SLC24A3: variants seen among roughly 807,000 people sequenced by gnomAD.
The protein encoded by SLC24A3 is solute carrier family 24 member 3.
In SLC24A3, 28 loss-of-function variants were observed where a neutral mutation model predicts 75.8. The ratio of observed to expected loss-of-function variants is 0.37; its 90% CI spans 0.27 to 0.51. SLC24A3 has a LOEUF of 0.51. Among genes scored for constraint, SLC24A3 ranks in the 20% least tolerant of loss-of-function variants. The probability of loss-of-function intolerance (pLI) is 0.94; values close to 1 mark genes in which losing one functional copy is unlikely to be tolerated. For synonymous variants in SLC24A3, 372 were observed against 334.1 expected, an observed-to-expected ratio of 1.11 and a Z score of -1.24; for missense variants, 663 against 847.8, an observed-to-expected ratio of 0.78 and a Z score of 2.71.
Position 19,270,731 on chromosome 20 carries a change from C to G in SLC24A3, c.143-10228C>G, listed in dbSNP as rs116923578. On this transcript the variant is annotated intron_variant, in intron 1 of 16. Transcript: ENST00000328041. ...ATTCCATACTTTGTAAGAAGAAACCCCATATTGGACATTGTATGTATGTGA... is the reference window on the plus strand; with the variant it reads ...ATTCCATACTTTGTAAGAAGAAACCGCATATTGGACATTGTATGTATGTGA... 8.5e-3 allele frequency among the ~76,000 whole-genome samples: 1,295 copies of G among 151,870 alleles called. 6 individuals are homozygous for G. The highest frequency in any genetic ancestry group is 0.014 in the Non-Finnish European group (937 of 67,984).
intron 2 of SLC24A3, among the ~76,000 whole-genome samples, chr20:19,328,387 T>G (rs895472049): frequency 1.3e-5 from 2 of 152,064 alleles, no homozygotes; most frequent in African/African-American, 4.8e-5. Flanking sequence ...GTTGGATTGA[T>G]AATAAAATGT....
chr20:19,592,871 C>T (rs1246663275), intron 6 of SLC24A3, among the ~76,000 whole-genome samples: 1 of 146,408 alleles, frequency 6.8e-6, no homozygotes, highest in Admixed American at 7.0e-5. Flanking sequence ...TCTTGGCTCA[C>T]TACAACCTCC....
At chr20:19,403,674 A>T (rs999513017) in intron 2 of SLC24A3, among the ~76,000 whole-genome samples, 2 of 152,186 alleles carry the variant, frequency 1.3e-5, no homozygotes, top group African/African-American at 4.8e-5. Context: ...TTTAAGTAGG[A>T]GTTAGTCACG....
chr20:19,587,303 AT>A (rs2031311569), intron 6 of SLC24A3, among the ~76,000 whole-genome samples: 2 of 152,216 alleles, frequency 1.3e-5, no homozygotes, highest in Admixed American at 6.5e-5. Context: ...AATGGCTTGG[AT>A]GCATGTGTGG....
chr20:19,492,705 A>G (rs969129463), intron 2 of SLC24A3, among the ~76,000 whole-genome samples: 7 of 152,212 alleles, frequency 4.6e-5, no homozygotes, highest in Admixed American at 4.6e-4. Flanking sequence ...CTCACTTTCA[A>G]AAACTGTATT....
At position 19,395,114 on chromosome 20, in the gene SLC24A3, C is replaced by T. The variant is rs186331530; in HGVS notation, c.271+114027C>T. ...AAAAGACAAATACTATATGGTGTAA[C>T]TTATGTGTGGCATCAGGTACAGGCC... is the stretch of plus-strand genomic sequence containing the variant. On this transcript the variant is annotated intron_variant, in intron 2 of 16. Coordinates refer to ENST00000328041, the MANE Select transcript of SLC24A3 (RefSeq NM_020689.4). Among the ~76,000 whole-genome samples the T allele has an allele frequency of 3.9e-3, 592 of 152,270 alleles. 4 individuals carry two copies. The highest frequency in any genetic ancestry group is 0.013 in the African/African-American group (561 of 41,558).
chr20:19,325,019 CTTT>C (rs11340561), intron 2 of SLC24A3, among the ~76,000 whole-genome samples: 2 of 129,148 alleles, frequency 1.5e-5, no homozygotes, highest in Non-Finnish European at 3.3e-5. Flanking sequence ...ATGGTAGAGC[CTTT>C]TTTTTTTTTT....
chr20:19,378,049 T>A (rs1986116585), intron 2 of SLC24A3, among the ~76,000 whole-genome samples: 1 of 152,230 alleles, frequency 6.6e-6, no homozygotes, highest in Non-Finnish European at 1.5e-5. Context: ...CAGAAAAGGT[T>A]TCCTGGCCCT....
At chr20:19,436,798 T>C (rs1174510642) in intron 2 of SLC24A3, among the ~76,000 whole-genome samples, 1 of 152,200 alleles carries the variant, frequency 6.6e-6, no homozygotes, top group Non-Finnish European at 1.5e-5. Context: ...ACCTGTGCCC[T>C]TCCCTGGACC....
intron 2 of SLC24A3, among the ~76,000 whole-genome samples, chr20:19,298,070 A>G (rs1252638042): frequency 6.6e-6 from 1 of 152,264 alleles, no homozygotes; most frequent in Non-Finnish European, 1.5e-5. Context: ...CCGAGTAAAC[A>G]GCCATGTTAT....
At chr20:19,658,929 G>GT (rs1171474628) in intron 7 of SLC24A3, among the ~76,000 whole-genome samples, 15 of 152,200 alleles carry the variant, frequency 9.9e-5, no homozygotes, top group African/African-American at 3.6e-4. Context: ...CAGACGGACA[G>GT]TTTTTTGTAT....
intron 6 of SLC24A3, among the ~76,000 whole-genome samples, chr20:19,613,335 G>A (rs143846494): frequency 2.6e-4 from 40 of 152,258 alleles, no homozygotes; most frequent in Middle Eastern, 3.4e-3. Context: ...CCATTTGGTG[G>A]CTGAATGATG....
intron 2 of SLC24A3, among the ~76,000 whole-genome samples, chr20:19,464,181 G>C (rs1987726462): frequency 6.6e-6 from 1 of 152,202 alleles, no homozygotes; most frequent in South Asian, 2.1e-4. Context: ...GCCAGAAATG[G>C]GCTTTCCTAT....
chr20:19,461,926 GTC>G (rs1250710682), intron 2 of SLC24A3, among the ~76,000 whole-genome samples: 1 of 152,178 alleles, frequency 6.6e-6, no homozygotes, highest in African/African-American at 2.4e-5. Flanking sequence ...GTTAAGTAAA[GTC>G]TCTCAGGTTA....
At chr20:19,218,023 C>T (rs1198918747) in intron 1 of SLC24A3, among the ~76,000 whole-genome samples, 1 of 152,112 alleles carries the variant, frequency 6.6e-6, no homozygotes, top group Non-Finnish European at 1.5e-5. Flanking sequence ...GTCAGGGACC[C>T]TATGAACTTT....
At chr20:19,707,607 A>C (rs1178529780) in intron 15 of SLC24A3, among the ~76,000 whole-genome samples, 1 of 152,206 alleles carries the variant, frequency 6.6e-6, no homozygotes, top group African/African-American at 2.4e-5. Context: ...AGACAGGTCA[A>C]GGAGCTGATG....
chr20:19,214,433 C>CT (rs1981497376), intron 1 of SLC24A3, among the ~76,000 whole-genome samples: 1 of 152,110 alleles, frequency 6.6e-6, no homozygotes, highest in African/African-American at 2.4e-5. Context: ...TTTTATTTTC[C>CT]TTTTTTATTT....
At chr20:19,680,267 G>A (rs1245545988) in intron 9 of SLC24A3, among the ~76,000 whole-genome samples, 1 of 152,138 alleles carries the variant, frequency 6.6e-6, no homozygotes, top group East Asian at 1.9e-4. Context: ...GTTGCCCATG[G>A]TTGGAAACTG....
chr20:19,653,678 T>C (rs2032232855), intron 6 of SLC24A3, among the ~76,000 whole-genome samples: 1 of 152,112 alleles, frequency 6.6e-6, no homozygotes, highest in Non-Finnish European at 1.5e-5. Context: ...ATAGGCAACT[T>C]TGCATTGAGG....
Sources: gnomAD v4.1 joint callset for allele counts (sites outside exome capture counted in the v4.1 genomes callset) on GRCh38, gnomAD v4.1.1 for gene constraint, MANE v1.5 for transcripts, NCBI Gene and HGNC (gene_info 2026-07-23, HGNC 2026-07-21) for gene names.